Variants in ARHGAP32 observed in about 807,000 individuals in gnomAD.
ARHGAP32 encodes the protein rho GTPase-activating protein 32.
ARHGAP32 carries 51 observed loss-of-function variants against 186.5 expected under a neutral mutation model. The observed-to-expected ratio is 0.27, with a 90% CI of 0.22 to 0.35. The LOEUF is 0.35. ARHGAP32 is among the 10% of genes least tolerant of loss of function. The pLI, the probability that ARHGAP32 is intolerant of heterozygous loss-of-function variation, is 1.00. For missense variants in ARHGAP32, 2,186 were observed against 2,623.5 expected (o/e 0.83, Z 3.64); for synonymous variants, 950 against 964.3 (o/e 0.99, Z 0.27).
rs953813253 is a variant in ARHGAP32, at chr11:129,181,390, G to C, written c.116+10693C>G. 2.0e-5 allele frequency among the ~76,000 whole-genome samples: 3 copies of C among 152,124 alleles called. No homozygotes were observed. The South Asian group carries it at 6.2e-4, about 32-fold the overall frequency. The stretch of plus-strand genomic sequence containing the variant: ...CTTTGAGATATGTCCGAAGTGCTCA[G>C]TTTGGTGTTCTCTATTCATTTTACC... On this transcript the variant is annotated intron_variant, in intron 1 of 22. Coordinates refer to ENST00000682385, the MANE Select transcript of ARHGAP32 (RefSeq NM_001378024.1).
intron 1 of ARHGAP32, among the ~76,000 whole-genome samples, chr11:129,226,300 A>T (rs1053161183): frequency 2.0e-5 from 3 of 152,104 alleles, no homozygotes; most frequent in African/African-American, 7.2e-5. Context: ...AACTCCAAGT[A>T]GGATAAACTC....
At chr11:129,160,156 G>T (rs1265701841) in intron 2 of ARHGAP32, among the ~76,000 whole-genome samples, 2 of 152,084 alleles carry the variant, frequency 1.3e-5, no homozygotes, top group African/African-American at 4.8e-5. Context: ...TACTGAAAGG[G>T]CAAAAGCTGG....
At chr11:129,037,576 G>A (rs934241996) in intron 11 of ARHGAP32, among the ~76,000 whole-genome samples, 1 of 151,890 alleles carries the variant, frequency 6.6e-6, no homozygotes, top group Non-Finnish European at 1.5e-5. Flanking sequence ...ACTTAATACT[G>A]TTAATAATAT....
At chr11:129,196,283 G>T (rs1032985704), upstream of ARHGAP32, among the ~76,000 whole-genome samples, 1 of 152,138 alleles carries the variant, frequency 6.6e-6, no homozygotes, top group East Asian at 1.9e-4. Flanking sequence ...CTGCATCCAT[G>T]AATTCAACCT....
At chr11:129,165,346 A>C (rs1170352856) in intron 1 of ARHGAP32, among the ~76,000 whole-genome samples, 1 of 151,892 alleles carries the variant, frequency 6.6e-6, no homozygotes, top group Non-Finnish European at 1.5e-5. Flanking sequence ...AAGCACTGCC[A>C]AGATGGAGGA....
intron 19 of ARHGAP32, among the ~76,000 whole-genome samples, chr11:128,977,245 G>T (rs569902495): frequency 3.3e-5 from 5 of 152,180 alleles, no homozygotes; most frequent in Non-Finnish European, 7.4e-5. Context: ...GTGGTAATTT[G>T]TTATGGGAAC....
chr11:129,126,115 G>T, intron 2 of ARHGAP32: 1 of 246,152 alleles, frequency 4.1e-6, no homozygotes. Flanking sequence ...AAAATTTTAA[G>T]ACTAAAATAA....
chr11:129,148,020 T>C (rs1177622704), intron 2 of ARHGAP32, among the ~76,000 whole-genome samples: 2 of 152,196 alleles, frequency 1.3e-5, no homozygotes, highest in Non-Finnish European at 2.9e-5. Flanking sequence ...CTATTTCCCA[T>C]CTGAAACTTT....
At chr11:129,188,865 C>T (rs1033018284) in intron 1 of ARHGAP32, among the ~76,000 whole-genome samples, 1 of 152,154 alleles carries the variant, frequency 6.6e-6, no homozygotes, top group Admixed American at 6.6e-5. Flanking sequence ...TATATCATCT[C>T]TGTAGCTGCT....
At chr11:129,258,304 G>A (rs542120601) in intron 1 of ARHGAP32, among the ~76,000 whole-genome samples, 1 of 152,168 alleles carries the variant, frequency 6.6e-6, no homozygotes, top group Admixed American at 6.5e-5. Flanking sequence ...AGGTGGTTGA[G>A]TTTAACTTTC....
intron 2 of ARHGAP32, among the ~76,000 whole-genome samples, chr11:129,160,168 A>G (rs1314561780): frequency 6.6e-6 from 1 of 152,216 alleles, no homozygotes; most frequent in African/African-American, 2.4e-5. Flanking sequence ...AAAAGCTGGA[A>G]GCATTCCCAT....
intron 2 of ARHGAP32, among the ~76,000 whole-genome samples, chr11:129,133,623 C>A (rs578075024): frequency 6.6e-6 from 1 of 152,122 alleles, no homozygotes. Flanking sequence ...CTATACAATT[C>A]GGAAAGAACT....
At position 129,064,814 on chromosome 11, in the gene ARHGAP32, T is replaced by C. The variant is rs767782350; in HGVS notation, c.762+27A>G. ...TAAGTAGATAATTTAAATATACATT[T>C]TTCATGAAAAGTGAATTAGGAAATA... On this transcript the variant is annotated intron_variant, in intron 8 of 22. Coordinates refer to ENST00000682385, the MANE Select transcript of ARHGAP32 (RefSeq NM_001378024.1). 1.1e-5 allele frequency: 16 copies of C among 1,516,034 alleles called. No homozygotes were observed. In the South Asian group the frequency reaches 1.7e-4, roughly 16 times the overall value. The allele number at this position is 1,516,034 out of a possible 1,614,324, so 93.9% of individuals were successfully genotyped here. A position where few individuals can be genotyped will look rare whatever the true frequency, so the allele number is the denominator to read the frequency against.
In ARHGAP32 at chr11:128,968,890, T is replaced by C. The variant is rs929451439; in HGVS notation, c.*17A>G. On this transcript the variant is annotated 3_prime_UTR_variant, in exon 23 of 23. Coordinates refer to ENST00000682385, the MANE Select transcript of ARHGAP32 (RefSeq NM_001378024.1). Reference sequence around the variant, plus strand: ...ACTGTCCAGCAGAGGCTGCTTCAACTCTATTGCTCGCAGGGCTCATTCTGC... The same window carrying C: ...ACTGTCCAGCAGAGGCTGCTTCAACCCTATTGCTCGCAGGGCTCATTCTGC... 8.9e-6 allele frequency: 13 copies of C among 1,458,802 alleles called. No homozygotes were observed. Among genetic ancestry groups the C allele is most frequent in the Admixed American group, 4.9e-5 (2 of 40,696 alleles). 90.4% of individuals were successfully genotyped at this position (1,458,802 alleles called of 1,614,324 possible).
intron 2 of ARHGAP32, among the ~76,000 whole-genome samples, chr11:129,142,254 G>A (rs1007146591): frequency 2.0e-5 from 3 of 151,992 alleles, no homozygotes; most frequent in African/African-American, 7.2e-5. Context: ...TTGCCAAACC[G>A]AGCCAAAAGC....
chr11:129,190,825 G>T (rs990856589), intron 1 of ARHGAP32, among the ~76,000 whole-genome samples: 1 of 152,054 alleles, frequency 6.6e-6, no homozygotes, highest in Non-Finnish European at 1.5e-5. Context: ...CAGAACATGT[G>T]ACTAACAATT....
At chr11:129,235,552 A>G (rs1439271282) in intron 1 of ARHGAP32, among the ~76,000 whole-genome samples, 1 of 152,192 alleles carries the variant, frequency 6.6e-6, no homozygotes, top group Admixed American at 6.5e-5. Context: ...ATAAAAACAC[A>G]GCATTACTGA....
intron 6 of ARHGAP32, among the ~76,000 whole-genome samples, chr11:129,084,511 T>C (rs954646502): frequency 2.0e-5 from 3 of 151,988 alleles, no homozygotes; most frequent in African/African-American, 7.3e-5. Flanking sequence ...CATTTGAAAA[T>C]CAACTAATGT....
intron 1 of ARHGAP32, among the ~76,000 whole-genome samples, chr11:129,189,554 A>G (rs562649604): frequency 5.7e-4 from 87 of 152,338 alleles, no homozygotes; most frequent in South Asian, 5.2e-3. Context: ...ATCTCTAGGA[A>G]CTATTTTATT....
Sources: allele counts gnomAD v4.1 joint callset (sites outside exome capture counted in the v4.1 genomes callset), GRCh38; gene constraint gnomAD v4.1.1; transcripts MANE v1.5; gene names NCBI Gene and HGNC (gene_info 2026-07-23, HGNC 2026-07-21).